The following CFHR4 variants were observed in gnomAD, a reference collection of about 807,000 sequenced individuals.
The protein encoded by CFHR4 is complement factor H related 4, also known as complement factor H-related protein 4.
Under a neutral mutation model 69.3 loss-of-function variants are expected in CFHR4, and 64 were observed. The observed-to-expected ratio is 0.92, with a 90% CI of 0.76 to 1.14. The LOEUF is 1.14. CFHR4 is among the 50% of genes most tolerant of loss of function. The pLI, the probability that CFHR4 is intolerant of heterozygous loss-of-function variation, is 0.00. For missense variants in CFHR4, 636 were observed against 684.9 expected (o/e 0.93, Z 0.80); for synonymous variants, 244 against 237.0 (o/e 1.03, Z -0.27).
intron 1 of CFHR4, among the ~76,000 whole-genome samples, chr1:196,896,314 A>C (rs1657293078): frequency 6.6e-6 from 1 of 151,272 alleles, no homozygotes; most frequent in Admixed American, 6.6e-5. Flanking sequence ...AGTGTTTTCC[A>C]AGCCTGCACT....
At chr1:196,901,979 C>T (rs900065783) in intron 1 of CFHR4, among the ~76,000 whole-genome samples, 11 of 151,452 alleles carry the variant, frequency 7.3e-5, no homozygotes, top group Admixed American at 5.9e-4. Flanking sequence ...TCCTGTTTCT[C>T]TGTAGTTTTT....
intron 9 of CFHR4, among the ~76,000 whole-genome samples, chr1:196,916,631 A>C (rs1658649434): frequency 1.3e-5 from 2 of 151,938 alleles, no homozygotes; most frequent in South Asian, 4.1e-4. Context: ...TCCTCAAATC[A>C]AAATAGTTTA....
intron 1 of CFHR4, among the ~76,000 whole-genome samples, chr1:196,896,619 C>T (rs1211383208): frequency 1.3e-5 from 2 of 151,630 alleles, no homozygotes; most frequent in Non-Finnish European, 2.9e-5. Context: ...AGCTGCCTGC[C>T]ATGTGGCTAA....
chr1:196,914,610 AAAC>A lies in CFHR4; in HGVS notation c.1298_1300del (p.Asn433del). On this transcript the variant is annotated inframe_deletion, in exon 8 of 10. Coordinates refer to ENST00000608469, the MANE Select transcript of CFHR4 (RefSeq NM_001201550.3). ...ACGATGGATATGAAATCAGTTATGG[AAAC>A]ACCACAGGTTCCATAGTGTGTGGTG... 1 of 1,611,926 alleles carries A rather than the reference AAAC, an allele frequency of 6.2e-7. No individual in the cohort carries two copies. Among genetic ancestry groups the A allele is most frequent in the Non-Finnish European group, 8.5e-7 (1 of 1,179,188 alleles).
intron 5 of CFHR4, 36 bp downstream of exon 5, chr1:196,907,534 A>G: frequency 6.5e-7 from 1 of 1,544,966 alleles, no homozygotes; most frequent in Non-Finnish European, 8.9e-7. Context: ...AGAAAATTAG[A>G]GTAATAACTT....
At position 196,905,102 on chromosome 1, in the gene CFHR4, T is replaced by A. The variant is rs750673498; in HGVS notation, c.257-6T>A. 3.1e-6 allele frequency: 5 copies of A among 1,590,100 alleles called. No individual in the cohort carries two copies. Among genetic ancestry groups the A allele is most frequent in the Non-Finnish European group, 3.4e-6 (4 of 1,168,582 alleles). On this transcript the variant is annotated splice_polypyrimidine_tract_variant and splice_region_variant and intron_variant, in intron 2 of 9. Transcript: ENST00000608469. Reference sequence around the variant, plus strand: ...TTTACTTTTTTCTCTACTTTTTCTATTTTAGGAACATGCTCAAAATCAGAT... The same window carrying A: ...TTTACTTTTTTCTCTACTTTTTCTAATTTAGGAACATGCTCAAAATCAGAT...
chr1:196,904,008 A>G (rs531842835), intron 2 of CFHR4, among the ~76,000 whole-genome samples: 7 of 151,522 alleles, frequency 4.6e-5, no homozygotes, highest in Non-Finnish European at 8.8e-5. Flanking sequence ...AAAACATTCC[A>G]TTATAGAAAC....
intron 1 of CFHR4, among the ~76,000 whole-genome samples, chr1:196,893,091 T>C (rs897972179): frequency 1.3e-5 from 2 of 151,718 alleles, no homozygotes; most frequent in African/African-American, 4.9e-5. Context: ...CCAAATAGCA[T>C]ATCTGTAATA....
chr1:196,904,765 G>A (rs1041181587), intron 2 of CFHR4, among the ~76,000 whole-genome samples: 2 of 151,502 alleles, frequency 1.3e-5, no homozygotes, highest in African/African-American at 2.4e-5. Context: ...TGAAGTCTAA[G>A]ACCTCTTAAT....
chr1:196,915,401 G>C (rs898874579), intron 9 of CFHR4, among the ~76,000 whole-genome samples: 1 of 151,450 alleles, frequency 6.6e-6, no homozygotes, highest in Admixed American at 6.6e-5. Flanking sequence ...ACTTTGGAAG[G>C]CCGAGGCAGG....
intron 3 of CFHR4, 75 bp from the exon 4 acceptor site, chr1:196,906,786 T>C: frequency 6.9e-7 from 1 of 1,455,172 alleles, no homozygotes; most frequent in Non-Finnish European, 9.2e-7. Flanking sequence ...ATTTTATTCC[T>C]ACAATGGGAC....
chr1:196,897,579 G>A (rs867651750), intron 1 of CFHR4, among the ~76,000 whole-genome samples: 2 of 151,376 alleles, frequency 1.3e-5, no homozygotes, highest in Non-Finnish European at 2.9e-5. Flanking sequence ...AGCCCGAAGT[G>A]GGGGATGGAG....
intron 1 of CFHR4, among the ~76,000 whole-genome samples, chr1:196,899,738 T>C (rs1657494984): frequency 6.6e-6 from 1 of 151,760 alleles, no homozygotes; most frequent in African/African-American, 2.4e-5. Flanking sequence ...CTGGACCAAC[T>C]GAATGCCAGC....
intron 4 of CFHR4, 57 bp downstream of exon 4, chr1:196,907,094 A>G (rs1440511448): frequency 6.8e-7 from 1 of 1,464,282 alleles, no homozygotes; most frequent in Non-Finnish European, 9.4e-7. Context: ...AGAAACATAC[A>G]TATGTATATG....
intron 9 of CFHR4, among the ~76,000 whole-genome samples, chr1:196,916,537 C>G (rs1379527592): frequency 6.6e-6 from 1 of 151,810 alleles, no homozygotes; most frequent in Non-Finnish European, 1.5e-5. Context: ...TTGTCCCCTA[C>G]TTAGGTATCC....
chr1:196,901,267 A>C (rs1657585417), intron 1 of CFHR4, among the ~76,000 whole-genome samples: 3 of 143,236 alleles, frequency 2.1e-5, no homozygotes, highest in Admixed American at 6.9e-5. Flanking sequence ...AAAATGTGGC[A>C]AAAAAAAAAT....
Position 196,890,491 on chromosome 1 carries a change from T to A in CFHR4, c.58+2283T>A, listed in dbSNP as rs185483743. ...TTTGTATTGAGCATTATTTCTTCCA[T>A]CAACTTGTAAGTTATTTACATTTAA... On this transcript the variant is annotated intron_variant, in intron 1 of 9. Transcript: ENST00000608469. Among the ~76,000 whole-genome samples, 651 of 151,760 alleles carry A rather than the reference T, an allele frequency of 4.3e-3. 14 individuals are homozygous for A. Among genetic ancestry groups the A allele is most frequent in the South Asian group, 0.016 (75 of 4,818 alleles).
At chr1:196,890,158 GTATT>G (rs1432561050) in intron 1 of CFHR4, among the ~76,000 whole-genome samples, 1 of 151,444 alleles carries the variant, frequency 6.6e-6, no homozygotes, top group Non-Finnish European at 1.5e-5. Flanking sequence ...ATTTTAGAGG[GTATT>G]TATCAGAATT....
chr1:196,896,897 T>TA lies in CFHR4; in HGVS notation c.59-5521_59-5520insA, dbSNP rs1234732936. ...ATAACAAGCTAATGAATTTAATCTT[T>TA]TTTATTATTATTATTATACTTTAAG... On this transcript the variant is annotated intron_variant, in intron 1 of 9. Transcript: ENST00000608469. 6.7e-3 allele frequency among the ~76,000 whole-genome samples: 1,017 copies of TA among 151,666 alleles called. 36 individuals are homozygous for TA. Among genetic ancestry groups the TA allele is most frequent in the African/African-American group, 0.024 (975 of 41,160 alleles).
Sources: gnomAD v4.1 joint callset for allele counts (sites outside exome capture counted in the v4.1 genomes callset) on GRCh38, gnomAD v4.1.1 for gene constraint, MANE v1.5 for transcripts, NCBI Gene and HGNC (gene_info 2026-07-23, HGNC 2026-07-21) for gene names.